The following TRIM32 variants were observed in gnomAD, a reference collection of about 807,000 sequenced individuals.
TRIM32 encodes the protein tripartite motif containing 32, also known as E3 ubiquitin-protein ligase TRIM32.
In TRIM32, 19 loss-of-function variants were observed where a neutral mutation model predicts 36.0. That is an observed-to-expected ratio of 0.53 (90% confidence interval 0.37 to 0.77). TRIM32 has a LOEUF of 0.77. TRIM32 is among the 30% of genes least tolerant of loss of function. The pLI, the probability that TRIM32 is intolerant of heterozygous loss-of-function variation, is 0.00. For missense variants in TRIM32, 747 were observed against 845.2 expected (o/e 0.88, Z 1.44); for synonymous variants, 309 against 318.5 (o/e 0.97, Z 0.32).
chr9:116,699,625 G>T lies in TRIM32; in HGVS notation c.1883G>T (p.Gly628Val), dbSNP rs776734216. The stretch of plus-strand genomic sequence containing the variant: ...GTGGGCATAGCCCTAACTCCTAAGG[G>T]GCAGCTGCTGGTCTTGGACTGTTGG... ...CPVGIALTPK[G>V]QLLVLDCWDH... is the part of the protein sequence containing the mutation. The change falls in exon 2 of 2, where the codon GGG becomes GTG. Residue 628 changes from glycine to valine, a missense_variant. Physicochemically the swap from Gly to Val is moderately radical, Grantham distance 109 (BLOSUM62 -3). Transcript: ENST00000450136. The surrounding 1 kb of genome is among the most constrained non-coding windows in gnomAD (Gnocchi z 4.2). The T allele has an allele frequency of 6.2e-7, 1 of 1,614,174 alleles. No individual in the cohort carries two copies. The highest frequency in any genetic ancestry group is 8.5e-7 in the Non-Finnish European group (1 of 1,180,026).
At position 116,699,868 on chromosome 9, in the gene TRIM32, GTCCCCC is replaced by G. The variant is rs1227497889; in HGVS notation, c.*170_*175del. ...ATCTTTTAATGTTTTTATTTGTTAT[GTCCCCC>G]TCCCCGCTTCCCACCTAAATTTAGA... is the stretch of plus-strand genomic sequence containing the variant. On this transcript the variant is annotated 3_prime_UTR_variant, in exon 2 of 2. Coordinates refer to ENST00000450136, the MANE Select transcript of TRIM32 (RefSeq NM_012210.4). The surrounding 1 kb of genome is among the most constrained non-coding windows in gnomAD (Gnocchi z 4.2). 2.0e-5 allele frequency: 19 copies of G among 934,154 alleles called. No homozygotes were observed. In the East Asian group the frequency reaches 4.7e-4, roughly 23 times the overall value. The allele number at this position is 934,154 out of a possible 1,614,324, so 57.9% of individuals were successfully genotyped here. A position where few individuals can be genotyped will look rare whatever the true frequency, so the allele number is the denominator to read the frequency against.
Position 116,699,254 on chromosome 9 carries a change from G to C in TRIM32, c.1512G>C (p.Val504=), listed in dbSNP as rs1411269305. ...WCFTVDRGSG[V]VKYSCLCSAV... ...TCACAGTTGATCGAGGATCAGGGGT[G>C]GTCAAATACAGCTGCCTATGTAGTG... The change falls in exon 2 of 2, where the codon GTG becomes GTC. Residue 504 remains valine, a synonymous_variant. Transcript: ENST00000450136. This position sits in a 1 kb window ranked among gnomAD's most constrained non-coding sequence, Gnocchi z 4.2. The C allele has an allele frequency of 1.2e-6, 2 of 1,614,092 alleles. No homozygotes were observed. Among genetic ancestry groups the C allele is most frequent in the Admixed American group, 3.3e-5 (2 of 60,004 alleles).
intron 1 of TRIM32, among the ~76,000 whole-genome samples, chr9:116,693,100 C>T (rs1033427967): frequency 5.3e-5 from 8 of 152,024 alleles, no homozygotes; most frequent in Non-Finnish European, 1.2e-4. Context: ...AAACTGAATG[C>T]GTTATTAATA....
In TRIM32 at chr9:116,698,771, G is replaced by A; in HGVS notation, c.1029G>A (p.Gln343=). 6.2e-7 allele frequency: 1 copy of A among 1,614,184 alleles called. No individual in the cohort carries two copies. Among genetic ancestry groups the A allele is most frequent in the Non-Finnish European group, 8.5e-7 (1 of 1,180,036 alleles). Residue 343 remains glutamine, a synonymous_variant, in exon 2 of 2, where the codon CAG becomes CAA. Coordinates refer to ENST00000450136, the MANE Select transcript of TRIM32 (RefSeq NM_012210.4). This position sits in a 1 kb window ranked among gnomAD's most constrained non-coding sequence, Gnocchi z 4.4. ...VASPRASPAK[Q]RGPEAASNIQ... is the part of the protein sequence containing the mutation. ...GCCCTAGGGCCTCACCTGCTAAACA[G>A]CGGGGTCCTGAGGCAGCCTCCAATA...
At chr9:116,688,950 C>T (rs946982566) in intron 1 of TRIM32, among the ~76,000 whole-genome samples, 1 of 152,020 alleles carries the variant, frequency 6.6e-6, no homozygotes, top group African/African-American at 2.4e-5. Context: ...TGGTTCTTAA[C>T]CAAGTCTGGC....
chr9:116,690,829 TA>T (rs1300112775), intron 1 of TRIM32, among the ~76,000 whole-genome samples: 3 of 152,092 alleles, frequency 2.0e-5, no homozygotes, highest in South Asian at 2.1e-4. Context: ...TGAGAACATA[TA>T]AAAAAATGCC....
At position 116,698,455 on chromosome 9, in the gene TRIM32, G is replaced by A. The variant is rs564290779; in HGVS notation, c.713G>A (p.Arg238His). Residue 238 changes from arginine (R) to histidine (H), a missense_variant, in exon 2 of 2, where the codon CGC becomes CAC. Physicochemically the swap from Arg to His is conservative, Grantham distance 29. Transcript: ENST00000450136. The surrounding 1 kb of genome is among the most constrained non-coding windows in gnomAD (Gnocchi z 4.4). ...LNIAEVQAVS[R>H]CDYFLAKIKQ... ...ATTGCAGAGGTGCAGGCTGTGTCTCGCTGTGACTACTTCCTGGCCAAGATC... is the reference window on the plus strand; with the variant it reads ...ATTGCAGAGGTGCAGGCTGTGTCTCACTGTGACTACTTCCTGGCCAAGATC... 7 of 1,613,994 alleles carry A rather than the reference G, an allele frequency of 4.3e-6. No homozygotes were observed. The highest frequency in any genetic ancestry group is 3.3e-5 in the South Asian group (3 of 91,072).
In TRIM32 at chr9:116,699,612, C is replaced by G. The variant is rs1564218609; in HGVS notation, c.1870C>G (p.Leu624Val). The G allele has an allele frequency of 1.2e-6, 2 of 1,614,184 alleles. No homozygotes were observed. Among genetic ancestry groups the G allele is most frequent in the Non-Finnish European group, 8.5e-7 (1 of 1,180,022 alleles). The part of the protein sequence containing the change: ...EGLTCPVGIA[L>V]TPKGQLLVLD... ...ACTTACCTGTCCGGTGGGCATAGCC[C>G]TAACTCCTAAGGGGCAGCTGCTGGT... Residue 624 changes from leucine (L) to valine (V), a missense_variant, in exon 2 of 2, where the codon CTA (leucine) becomes GTA (valine). By Grantham distance (32) the Leu-to-Val change is conservative. Transcript: ENST00000450136. This position sits in a 1 kb window ranked among gnomAD's most constrained non-coding sequence, Gnocchi z 4.2.
In TRIM32 at chr9:116,699,284, G is replaced by A. The variant is rs1226004239; in HGVS notation, c.1542G>A (p.Val514=). Residue 514 remains valine (V), a synonymous_variant, in exon 2 of 2, where the codon GTG becomes GTA. Coordinates refer to ENST00000450136, the MANE Select transcript of TRIM32 (RefSeq NM_012210.4). The surrounding 1 kb of genome is among the most constrained non-coding windows in gnomAD (Gnocchi z 4.2). ...AATACAGCTGCCTATGTAGTGCTGT[G>A]CGGCCCAAATTTGTCACCTGTGATG... ...VVKYSCLCSA[V]RPKFVTCDAE... The A allele has an allele frequency of 6.2e-7, 1 of 1,614,220 alleles. No individual in the cohort carries two copies. The highest frequency in any genetic ancestry group is 1.1e-5 in the South Asian group (1 of 91,082).
intron 1 of TRIM32, among the ~76,000 whole-genome samples, chr9:116,688,069 C>T (rs76973802): frequency 0.12 from 17,738 of 151,680 alleles, 1,190 homozygotes; most frequent in Middle Eastern, 0.19. Context: ...GAGATGGGGG[C>T]TCAGATTGAG....
At position 116,698,472 on chromosome 9, in the gene TRIM32, GC is replaced by G. The variant is rs1860997769; in HGVS notation, c.732del (p.Lys245ArgfsTer7). Reference sequence around the variant, plus strand: ...TGTGTCTCGCTGTGACTACTTCCTGGCCAAGATCAAGCAGGCAGATGTAGCA... The same window carrying G: ...TGTGTCTCGCTGTGACTACTTCCTGGCAAGATCAAGCAGGCAGATGTAGCA... ...QAVSRCDYFL[A>X]KIKQADVALL... is the part of the protein sequence containing the mutation. On this transcript the variant is annotated frameshift_variant, in exon 2 of 2. Coordinates refer to ENST00000450136, the MANE Select transcript of TRIM32 (RefSeq NM_012210.4). LOFTEE classifies it high-confidence loss of function. This position sits in a 1 kb window ranked among gnomAD's most constrained non-coding sequence, Gnocchi z 4.4. 1 of 1,613,758 alleles carries G rather than the reference GC, an allele frequency of 6.2e-7. No individual in the cohort carries two copies. Among genetic ancestry groups the G allele is most frequent in the Non-Finnish European group, 8.5e-7 (1 of 1,180,008 alleles).
At chr9:116,696,724 G>A (rs941000768) in intron 1 of TRIM32, among the ~76,000 whole-genome samples, 1 of 151,960 alleles carries the variant, frequency 6.6e-6, no homozygotes, top group African/African-American at 2.4e-5. Flanking sequence ...TTGAATATCT[G>A]AAGAGCAGGA....
chr9:116,689,179 T>G (rs1003062450), intron 1 of TRIM32, among the ~76,000 whole-genome samples: 2 of 152,086 alleles, frequency 1.3e-5, no homozygotes, highest in Non-Finnish European at 2.9e-5. Context: ...TGACCTAGAG[T>G]CAGATACCCT....
At position 116,697,905 on chromosome 9, in the gene TRIM32, A is replaced by G. The variant is rs758299221; in HGVS notation, c.163A>G (p.Ser55Gly). The G allele has an allele frequency of 2.5e-6, 4 of 1,614,228 alleles. No individual in the cohort carries two copies. Among genetic ancestry groups the G allele is most frequent in the Non-Finnish European group, 3.4e-6 (4 of 1,180,040 alleles). ...GTGCCTGGAGAAGCTATTGGCCAGT[A>G]GCATCAATGGTGTCCGCTGTCCCTT... ...RQCLEKLLASSINGVRCPFCS... is the reference protein window; with the variant it reads ...RQCLEKLLASGINGVRCPFCS... Residue 55 changes from serine (S) to glycine (G), a missense_variant, in exon 2 of 2, where the codon AGC becomes GGC. Ser to Gly is a moderately conservative substitution (Grantham distance 56). Transcript: ENST00000450136.
Position 116,697,656 on chromosome 9 carries a change from CT to C in TRIM32, c.-81-3del. On this transcript the variant is annotated splice_polypyrimidine_tract_variant and splice_region_variant and intron_variant, in intron 1 of 1. Transcript: ENST00000450136. ...AAAATGAATAATGGTTTCTTTTTCT[CT>C]TTAGCAGGAATTTGACCCTCTAGGG... 5.2e-6 allele frequency: 8 copies of C among 1,546,082 alleles called. No individual in the cohort carries two copies. Among genetic ancestry groups the C allele is most frequent in the Non-Finnish European group, 7.1e-6 (8 of 1,133,822 alleles).
In TRIM32 at chr9:116,698,970, A is replaced by G; in HGVS notation, c.1228A>G (p.Ser410Gly). Residue 410 changes from serine to glycine, a missense_variant, in exon 2 of 2, where the codon AGC becomes GGC. Coordinates refer to ENST00000450136, the MANE Select transcript of TRIM32 (RefSeq NM_012210.4). The surrounding 1 kb of genome is among the most constrained non-coding windows in gnomAD (Gnocchi z 4.4). ...AGGCTTTTTGAAGGAAATCCGCCGC[A>G]GCCCCAGTGGCATTGATAGCTTTGT... ...RKGFLKEIRR[S>G]PSGIDSFVLS... 6.2e-7 allele frequency: 1 copy of G among 1,614,196 alleles called. No homozygotes were observed. The highest frequency in any genetic ancestry group is 8.5e-7 in the Non-Finnish European group (1 of 1,180,042).
chr9:116,697,869 A>G lies in TRIM32; in HGVS notation c.127A>G (p.Ile43Val), dbSNP rs764366522. Residue 43 changes from isoleucine (I) to valine (V), a missense_variant, in exon 2 of 2, where the codon ATC becomes GTC. Coordinates refer to ENST00000450136, the MANE Select transcript of TRIM32 (RefSeq NM_012210.4). Reference sequence around the variant, plus strand: ...CAAGCTTCTGCACTGTGGCCATACCATCTGCCGCCAGTGCCTGGAGAAGCT... The same window carrying G: ...CAAGCTTCTGCACTGTGGCCATACCGTCTGCCGCCAGTGCCTGGAGAAGCT... Reference protein sequence around the residue: ...RPKLLHCGHTICRQCLEKLLA... With the variant: ...RPKLLHCGHTVCRQCLEKLLA... The G allele has an allele frequency of 1.6e-5, 26 of 1,614,084 alleles. No homozygotes were observed. The highest frequency in any genetic ancestry group is 1.6e-4 in the Middle Eastern group (1 of 6,084).
At position 116,700,134 on chromosome 9, in the gene TRIM32, C is replaced by G; in HGVS notation, c.*430C>G. On this transcript the variant is annotated 3_prime_UTR_variant, in exon 2 of 2. Transcript: ENST00000450136. ...CATCTGTGACACTTTCTCTTGAACTCTGATTGGATTCACTGTGCATGCTTC... is the reference window on the plus strand; with the variant it reads ...CATCTGTGACACTTTCTCTTGAACTGTGATTGGATTCACTGTGCATGCTTC... 3.9e-6 allele frequency: 1 copy of G among 259,130 alleles called. No individual in the cohort carries two copies. The highest frequency in any genetic ancestry group is 1.5e-3 in the Middle Eastern group (1 of 672). The allele number at this position is 259,130 out of a possible 1,614,324, so 16.1% of individuals were successfully genotyped here.
intron 1 of TRIM32, among the ~76,000 whole-genome samples, chr9:116,696,284 G>A (rs1413624121): frequency 6.6e-6 from 1 of 152,090 alleles, no homozygotes; most frequent in East Asian, 1.9e-4. Flanking sequence ...TAATAAAAAA[G>A]AGAACTAAAA....
Sources: gnomAD v4.1 joint callset for allele counts (sites outside exome capture counted in the v4.1 genomes callset) on GRCh38, gnomAD v4.1.1 for gene constraint, Gnocchi (gnomAD v3.1) non-coding constraint, MANE v1.5 for transcripts, NCBI Gene and HGNC (gene_info 2026-07-23, HGNC 2026-07-21) for gene names.